Variants in NUDT3 observed in about 807,000 individuals in gnomAD.
NUDT3 encodes nudix hydrolase 3, also known as diphosphoinositol polyphosphate phosphohydrolase 1.
A neutral mutation model predicts 23.6 loss-of-function variants in NUDT3; 9 were observed. That is an observed-to-expected ratio of 0.38 (90% CI 0.23 to 0.66). NUDT3 has a LOEUF of 0.66. NUDT3 is among the 30% of genes least tolerant of loss of function. The pLI is 0.52. For missense variants in NUDT3, 172 were observed against 218.5 expected (o/e 0.79, Z 1.34); for synonymous variants, 86 against 82.6 (o/e 1.04, Z -0.22).
intron 3 of NUDT3, 115 bp from the exon 4 acceptor site, chr6:34,293,650 CT>C: frequency 1.6e-6 from 2 of 1,249,286 alleles, no homozygotes; most frequent in Non-Finnish European, 2.2e-6. Flanking sequence ...AGATTCTAAA[CT>C]TTTACTTTTT....
chr6:34,371,515 G>A (rs998986462), intron 1 of NUDT3, among the ~76,000 whole-genome samples: 2 of 151,974 alleles, frequency 1.3e-5, no homozygotes, highest in African/African-American at 2.4e-5. Context: ...ATACTCAGCA[G>A]ATGCAGATTC....
rs1763304878 is a variant in NUDT3 at position 34,283,737 on chromosome 6, T to C, written c.*5016A>G. ...CCTCCAAAGGAGAGTATGCCTAAAC[T>C]CTCTGGGCTCCCAGGACCTGTGGTG... On this transcript the variant is annotated 3_prime_UTR_variant, in exon 5 of 5. Coordinates refer to ENST00000607016, the MANE Select transcript of NUDT3 (RefSeq NM_006703.4). The C allele has an allele frequency of 6.6e-6, 1 of 152,196 alleles. No individual in the cohort carries two copies. The highest frequency in any genetic ancestry group is 1.5e-5 in the Non-Finnish European group (1 of 68,030). 9.4% of individuals were successfully genotyped at this position (152,196 alleles called of 1,614,324 possible).
intron 1 of NUDT3, among the ~76,000 whole-genome samples, chr6:34,370,660 T>C (rs1341174569): frequency 6.6e-6 from 1 of 152,214 alleles, no homozygotes; most frequent in East Asian, 1.9e-4. Context: ...ATGGTGTTAA[T>C]TTTAGACTAA....
At chr6:34,297,761 T>G (rs1278944268) in intron 2 of NUDT3, among the ~76,000 whole-genome samples, 6 of 77,550 alleles carry the variant, frequency 7.7e-5, no homozygotes, top group African/African-American at 4.2e-4. Context: ...ATATATATAA[T>G]TTTTTTTTTT....
chr6:34,289,002 A>AT (rs1303970260), intron 4 of NUDT3, 71 bp from the exon 5 acceptor site: 1 of 1,467,704 alleles, frequency 6.8e-7, no homozygotes, highest in Non-Finnish European at 9.0e-7. Flanking sequence ...TTTTGAGAAA[A>AT]TATAGAAAAC....
At chr6:34,387,276 G>A (rs1313385270) in intron 1 of NUDT3, among the ~76,000 whole-genome samples, 1 of 152,018 alleles carries the variant, frequency 6.6e-6, no homozygotes, top group Non-Finnish European at 1.5e-5. Flanking sequence ...AGTCTCAGAA[G>A]AAGGGATTGT....
intron 2 of NUDT3, among the ~76,000 whole-genome samples, chr6:34,327,366 T>C (rs1156568745): frequency 1.3e-5 from 2 of 151,560 alleles, no homozygotes; most frequent in Non-Finnish European, 2.9e-5. Context: ...CTGTCTCTAC[T>C]AAAAATACAA....
At chr6:34,367,811 G>A (rs1422537726) in intron 1 of NUDT3, among the ~76,000 whole-genome samples, 1 of 152,200 alleles carries the variant, frequency 6.6e-6, no homozygotes, top group East Asian at 1.9e-4. Flanking sequence ...CTAGAAGGAA[G>A]AAAAGATGGA....
At chr6:34,378,695 G>A (rs751141978) in intron 1 of NUDT3, among the ~76,000 whole-genome samples, 3 of 152,102 alleles carry the variant, frequency 2.0e-5, no homozygotes, top group Non-Finnish European at 2.9e-5. Context: ...CATCCCTTTG[G>A]CCTCCTCAGG....
intron 4 of NUDT3, 85 bp downstream of exon 4, chr6:34,293,366 C>T (rs1034038140): frequency 1.0e-5 from 16 of 1,535,596 alleles, no homozygotes; most frequent in Middle Eastern, 2.1e-4. Flanking sequence ...CTGGTACGCT[C>T]TTGTTTCTGG....
chr6:34,345,941 G>T (rs1764362196), intron 1 of NUDT3, among the ~76,000 whole-genome samples: 1 of 151,164 alleles, frequency 6.6e-6, no homozygotes, highest in Admixed American at 6.6e-5. Context: ...GCCGATTTTT[G>T]TATTTTTAGT....
rs1055625348 is a variant in NUDT3 at position 34,347,905 on chromosome 6, A to G, written c.100-5933T>C. Among the ~76,000 whole-genome samples the G allele has an allele frequency of 2.6e-5, 4 of 152,148 alleles. No homozygotes were observed. The South Asian group carries it at 8.3e-4, about 32-fold the overall frequency. The stretch of plus-strand genomic sequence containing the variant: ...GTAGTCCTAGTTACTTGGGAGGCTG[A>G]GGTAGGAGGTGCACTTGCCAGGAGT... On this transcript the variant is annotated intron_variant, in intron 1 of 4. Coordinates refer to ENST00000607016, the MANE Select transcript of NUDT3 (RefSeq NM_006703.4).
intron 1 of NUDT3, among the ~76,000 whole-genome samples, chr6:34,353,001 T>A (rs1764500780): frequency 1.3e-5 from 2 of 152,328 alleles, no homozygotes; most frequent in African/African-American, 4.8e-5. Flanking sequence ...TCTATTTTTT[T>A]AATAGTACAT....
At chr6:34,385,785 G>A (rs1765095694) in intron 1 of NUDT3, among the ~76,000 whole-genome samples, 1 of 151,780 alleles carries the variant, frequency 6.6e-6, no homozygotes, top group Admixed American at 6.6e-5. Flanking sequence ...CTGGGTTCAA[G>A]CAATTCTTGT....
intron 2 of NUDT3, among the ~76,000 whole-genome samples, chr6:34,339,041 G>C (rs901417270): frequency 6.6e-6 from 1 of 152,150 alleles, no homozygotes; most frequent in African/African-American, 2.4e-5. Flanking sequence ...TGCTGTCTCT[G>C]GGGTGGATCA....
In NUDT3 at chr6:34,286,883, C is replaced by G. The variant is rs1484483025; in HGVS notation, c.*1870G>C. The G allele has an allele frequency of 6.6e-6, 1 of 151,220 alleles. No individual in the cohort carries two copies. The highest frequency in any genetic ancestry group is 6.6e-5 in the Admixed American group (1 of 15,186). 9.4% of individuals were successfully genotyped at this position (151,220 alleles called of 1,614,324 possible). ...TCGGCTCACTGCAACCTCTGCCTCC[C>G]AGGTTCAAGCGATTATCTCGCCTCA... On this transcript the variant is annotated 3_prime_UTR_variant, in exon 5 of 5. Coordinates refer to ENST00000607016, the MANE Select transcript of NUDT3 (RefSeq NM_006703.4).
chr6:34,386,488 G>C (rs934056503), intron 1 of NUDT3, among the ~76,000 whole-genome samples: 7 of 152,066 alleles, frequency 4.6e-5, no homozygotes, highest in African/African-American at 1.7e-4. Context: ...CACTCAATGA[G>C]TGTTCAATAA....
In NUDT3 at chr6:34,341,870, A is replaced by T; in HGVS notation, c.202T>A (p.Cys68Ser). ...EPSVAAVREV[C>S]EEAGVKGTLG... is the part of the protein sequence containing the mutation. ...CTCTTCTCCATGCATACCTCCTCAC[A>T]GACTTCACGAACTGCTGCCACACTT... The change falls in exon 2 of 5, where the codon TGT becomes AGT. Residue 68 changes from cysteine to serine, a missense_variant. Around this residue, in one of 3 missense-constraint regions of NUDT3, gnomAD observed 59 missense variants for 107.4 expected, o/e 0.55. Coordinates refer to ENST00000607016, the MANE Select transcript of NUDT3 (RefSeq NM_006703.4). The T allele has an allele frequency of 6.2e-7, 1 of 1,613,904 alleles. No homozygotes were observed. Among genetic ancestry groups the T allele is most frequent in the Non-Finnish European group, 8.5e-7 (1 of 1,179,846 alleles).
Position 34,359,662 on chromosome 6 carries a change from T to C in NUDT3, c.100-17690A>G, listed in dbSNP as rs142090967. On this transcript the variant is annotated intron_variant, in intron 1 of 4. Transcript: ENST00000607016. The stretch of plus-strand genomic sequence containing the variant: ...TGTATACACCATATACCACAATGTG[T>C]TTATCCATTCATCTACTGGTTAACA... Among the ~76,000 whole-genome samples the C allele has an allele frequency of 2.4e-3, 360 of 152,346 alleles. 1 individual carries two copies. Among genetic ancestry groups the C allele is most frequent in the African/African-American group, 8.1e-3 (335 of 41,584 alleles).
Sources: gnomAD v4.1 joint callset for allele counts (sites outside exome capture counted in the v4.1 genomes callset) on GRCh38, gnomAD v4.1.1 for gene constraint, gnomAD v4.1.1 regional missense constraint, MANE v1.5 for transcripts, NCBI Gene and HGNC (gene_info 2026-07-23, HGNC 2026-07-21) for gene names.